The following RELN variants were observed in gnomAD, a reference collection of about 807,000 sequenced individuals.
The protein encoded by RELN is reelin.
RELN carries 108 observed loss-of-function variants against 427.6 expected under a neutral mutation model. That is an observed-to-expected ratio of 0.25 (90% CI 0.22 to 0.30). RELN has a LOEUF of 0.30. RELN is among the 10% of genes least tolerant of loss of function. The pLI is 1.00. For synonymous variants in RELN, 1,524 were observed against 1,513.4 expected (o/e 1.01, Z -0.16); for missense variants, 3,715 against 4,302.8 (o/e 0.86, Z 3.82).
Position 103,651,753 on chromosome 7 carries a change from G to T in RELN, c.1800C>A (p.Ser600=). 1 of 1,611,804 alleles carries T rather than the reference G, an allele frequency of 6.2e-7. No individual in the cohort carries two copies. Among genetic ancestry groups the T allele is most frequent in the Non-Finnish European group, 8.5e-7 (1 of 1,178,660 alleles). The part of the protein sequence containing the change: ...SLEFSTNHGR[S]WSLLHTECLP... ...AGCATTCAGTGTGAAGGAGGGACCA[G>T]GAGCGCCCATGGTTGGTAGAAAATT... Residue 600 remains serine (S), a synonymous_variant, in exon 15 of 65, where the codon TCC becomes TCA. Transcript: ENST00000428762.
At chr7:103,618,930 G>C (rs891642486) in intron 20 of RELN, among the ~76,000 whole-genome samples, 4 of 152,042 alleles carry the variant, frequency 2.6e-5, no homozygotes, top group Non-Finnish European at 4.4e-5. Context: ...GGCTAACATG[G>C]TGAAACCCAG....
intron 4 of RELN, among the ~76,000 whole-genome samples, chr7:103,774,462 GAA>G (rs1279135530): frequency 6.6e-6 from 1 of 152,062 alleles, no homozygotes; most frequent in African/African-American, 2.4e-5. Flanking sequence ...AGGATCCACA[GAA>G]AAAAGTTTGC....
At chr7:103,907,419 A>AGG (rs1272389814) in intron 2 of RELN, among the ~76,000 whole-genome samples, 3 of 113,572 alleles carry the variant, frequency 2.6e-5, no homozygotes, top group Non-Finnish European at 5.8e-5. Flanking sequence ...GCTCTGGAAA[A>AGG]AAAAAAAAAA....
chr7:103,756,248 C>G (rs1791149327), intron 4 of RELN, among the ~76,000 whole-genome samples: 1 of 152,164 alleles, frequency 6.6e-6, no homozygotes, highest in African/African-American at 2.4e-5. Context: ...ACATCACAAT[C>G]AGCAGGAGAG....
intron 2 of RELN, among the ~76,000 whole-genome samples, chr7:103,867,362 T>C (rs1160812616): frequency 1.3e-5 from 2 of 148,968 alleles, no homozygotes; most frequent in Non-Finnish European, 3.0e-5. Context: ...ATTAGTTCAT[T>C]ATATTGCCTC....
intron 11 of RELN, among the ~76,000 whole-genome samples, chr7:103,679,621 T>C (rs1173662809): frequency 6.6e-6 from 1 of 152,138 alleles, no homozygotes; most frequent in South Asian, 2.1e-4. Context: ...ATTTGGTTAA[T>C]GGAATTTCCT....
intron 6 of RELN, among the ~76,000 whole-genome samples, chr7:103,729,865 T>C (rs1038097354): frequency 2.6e-5 from 4 of 152,248 alleles, no homozygotes; most frequent in African/African-American, 9.6e-5. Flanking sequence ...TTGCTAAGAA[T>C]TTCTCATGGA....
intron 2 of RELN, among the ~76,000 whole-genome samples, chr7:103,897,378 G>C (rs1794984566): frequency 6.6e-6 from 1 of 152,060 alleles, no homozygotes; most frequent in African/African-American, 2.4e-5. Context: ...CAGGAGAGTA[G>C]GTGCTACTGC....
chr7:103,688,153 A>T (rs1178531190), intron 10 of RELN, among the ~76,000 whole-genome samples: 1 of 152,152 alleles, frequency 6.6e-6, no homozygotes, highest in Non-Finnish European at 1.5e-5. Flanking sequence ...GCATGCAATT[A>T]ACCATGCTGG....
At chr7:103,689,390 G>C (rs1833828008) in intron 10 of RELN, among the ~76,000 whole-genome samples, 2 of 152,098 alleles carry the variant, frequency 1.3e-5, no homozygotes, top group South Asian at 4.1e-4. Context: ...GTTGACAGAA[G>C]CCAGTGATTT....
At chr7:103,984,587 G>A (rs1256141094) in intron 1 of RELN, among the ~76,000 whole-genome samples, 1 of 152,136 alleles carries the variant, frequency 6.6e-6, no homozygotes, top group African/African-American at 2.4e-5. Context: ...TATGATTTAA[G>A]AAACAATCTC....
At chr7:103,708,948 C>G (rs1789716892) in intron 8 of RELN, among the ~76,000 whole-genome samples, 3 of 152,122 alleles carry the variant, frequency 2.0e-5, no homozygotes, top group African/African-American at 7.2e-5. Context: ...GTTGCCTCCT[C>G]TCACCAGAAT....
intron 38 of RELN, among the ~76,000 whole-genome samples, chr7:103,554,752 G>T (rs1830488578): frequency 6.6e-6 from 1 of 152,088 alleles, no homozygotes; most frequent in Admixed American, 6.6e-5. Context: ...AGTGGGTTTT[G>T]AGTTGTGTTT....
intron 8 of RELN, among the ~76,000 whole-genome samples, chr7:103,710,731 G>A (rs1298766332): frequency 6.6e-6 from 1 of 152,176 alleles, no homozygotes; most frequent in Non-Finnish European, 1.5e-5. Flanking sequence ...CAGAATTGTT[G>A]TCACAGGAAA....
chr7:103,678,053 TG>T (rs1447483429), intron 11 of RELN, among the ~76,000 whole-genome samples: 1 of 152,182 alleles, frequency 6.6e-6, no homozygotes, highest in Non-Finnish European at 1.5e-5. Flanking sequence ...TTCGGGCAGG[TG>T]GGGAAGACTA....
At chr7:103,861,222 A>T (rs1275334556) in intron 2 of RELN, among the ~76,000 whole-genome samples, 5 of 152,194 alleles carry the variant, frequency 3.3e-5, no homozygotes, top group African/African-American at 2.4e-5. Context: ...GTGAAATCTT[A>T]TCTCAAGCAA....
intron 18 of RELN, 36 bp from the exon 19 acceptor site, chr7:103,635,622 A>C (rs753039809): frequency 6.4e-7 from 1 of 1,555,436 alleles, no homozygotes. Flanking sequence ...TGTATGCATA[A>C]ACATTTTTAA....
chr7:103,828,907 C>G (rs1793208962), intron 3 of RELN, among the ~76,000 whole-genome samples: 1 of 151,902 alleles, frequency 6.6e-6, no homozygotes, highest in Non-Finnish European at 1.5e-5. Context: ...CGTTGTATGA[C>G]TATTGTATTT....
intron 11 of RELN, among the ~76,000 whole-genome samples, chr7:103,672,552 G>A (rs1833416432): frequency 6.6e-6 from 1 of 151,886 alleles, no homozygotes; most frequent in African/African-American, 2.4e-5. Context: ...AAAGGAGGAA[G>A]TAGTACATCT....
Sources: allele counts gnomAD v4.1 joint callset (sites outside exome capture counted in the v4.1 genomes callset), GRCh38; gene constraint gnomAD v4.1.1; transcripts MANE v1.5; gene names NCBI Gene and HGNC (gene_info 2026-07-23, HGNC 2026-07-21).